CCNC: variants seen among roughly 807,000 people sequenced by gnomAD.
The protein encoded by CCNC is cyclin-C.
A neutral mutation model predicts 50.0 loss-of-function variants in CCNC; 19 were observed. That is an observed-to-expected ratio of 0.38 (90% CI 0.27 to 0.56). The LOEUF (loss-of-function observed/expected upper bound fraction) is 0.56. Ranked by LOEUF, CCNC falls within the 20% of genes least tolerant of loss-of-function variation. The pLI, the probability that CCNC is intolerant of heterozygous loss-of-function variation, is 0.72. For synonymous variants in CCNC, 93 were observed against 103.7 expected (o/e 0.90, Z 0.63); for missense variants, 200 against 327.1 (o/e 0.61, Z 3.00).
intron 3 of CCNC, 54 bp from the exon 4 acceptor site, chr6:99,561,490 A>G: frequency 2.1e-6 from 3 of 1,402,326 alleles, no homozygotes; most frequent in Non-Finnish European, 2.0e-6. Context: ...ACACACTGGG[A>G]AAAAAATCAA....
chr6:99,549,479 A>T (rs770024398), intron 9 of CCNC, 29 bp downstream of exon 9: 2 of 1,475,432 alleles, frequency 1.4e-6, no homozygotes, highest in African/African-American at 2.8e-5. Flanking sequence ...TAACAATTTA[A>T]CTCATAAAGG....
rs1240963360 is a variant in CCNC, at chr6:99,549,322, G to T, written c.598+186C>A. ...AAAAAAAAAACTTACCAAAAAGGGG[G>T]TGGGGGAATAATAATCCTGATTTAT... On this transcript the variant is annotated intron_variant, in intron 9 of 11. Coordinates refer to ENST00000520429, the MANE Select transcript of CCNC (RefSeq NM_005190.4). 16 of 656,324 alleles carry T rather than the reference G, an allele frequency of 2.4e-5. No homozygotes were observed. The East Asian group carries it at 4.4e-4, about 18-fold the overall frequency. 40.7% of individuals were successfully genotyped at this position (656,324 alleles called of 1,614,324 possible).
intron 5 of CCNC, among the ~76,000 whole-genome samples, chr6:99,554,251 A>C (rs1276608657): frequency 6.6e-6 from 1 of 152,042 alleles, no homozygotes; most frequent in Non-Finnish European, 1.5e-5. Context: ...TCAATGATAC[A>C]TGATATTAAT....
chr6:99,568,196 A>AC (rs1329810327), intron 1 of CCNC: 11 of 467,836 alleles, frequency 2.4e-5, no homozygotes, highest in Non-Finnish European at 3.9e-5. Flanking sequence ...ACTCTATCCG[A>AC]CCCCCCGCGG....
chr6:99,546,410 A>C lies in CCNC; in HGVS notation c.663T>G (p.Ser221=). Residue 221 remains serine, a synonymous_variant, in exon 10 of 12, where the codon TCT becomes TCG. Coordinates refer to ENST00000520429, the MANE Select transcript of CCNC (RefSeq NM_005190.4). ...AAGGGAATACCTTTTCCATATCCAC[A>C]GAAAGCTCAGCAAACCATTGCCTGG... The part of the protein sequence containing the change: ...KDARQWFAEL[S]VDMEKILEII... The C allele has an allele frequency of 6.2e-7, 1 of 1,611,658 alleles. No homozygotes were observed. Among genetic ancestry groups the C allele is most frequent in the Non-Finnish European group, 8.5e-7 (1 of 1,177,782 alleles).
At chr6:99,544,194 T>A in intron 11 of CCNC, 1 of 1,525,748 alleles carries the variant, frequency 6.6e-7, no homozygotes, top group Non-Finnish European at 8.8e-7. Flanking sequence ...ACTTTGGCAA[T>A]AGGATTATTG....
At chr6:99,563,278 G>A (rs1768930247) in intron 1 of CCNC, among the ~76,000 whole-genome samples, 1 of 152,052 alleles carries the variant, frequency 6.6e-6, no homozygotes, top group South Asian at 2.1e-4. Context: ...TTCTTTCTTA[G>A]TGATATAAGA....
intron 5 of CCNC, among the ~76,000 whole-genome samples, chr6:99,554,539 C>T (rs1003952398): frequency 6.6e-6 from 1 of 152,160 alleles, no homozygotes; most frequent in African/African-American, 2.4e-5. Context: ...TTAGTTTATA[C>T]TTTGAGTTAT....
chr6:99,565,731 T>C (rs1769093677), intron 1 of CCNC, among the ~76,000 whole-genome samples: 2 of 152,040 alleles, frequency 1.3e-5, no homozygotes. Flanking sequence ...TTGAATTGTA[T>C]TAGTTTTTTA....
intron 9 of CCNC, among the ~76,000 whole-genome samples, chr6:99,549,076 T>G (rs190134747): frequency 1.3e-5 from 2 of 151,940 alleles, no homozygotes; most frequent in South Asian, 4.1e-4. Flanking sequence ...GACTGTAGAA[T>G]GAATGTACTT....
chr6:99,554,796 G>T (rs984076100), intron 5 of CCNC, among the ~76,000 whole-genome samples: 6 of 152,152 alleles, frequency 3.9e-5, no homozygotes, highest in African/African-American at 1.4e-4. Context: ...TTTTATTGGA[G>T]AATGATATTA....
intron 10 of CCNC, 42 bp downstream of exon 10, chr6:99,546,353 T>G: frequency 7.7e-7 from 1 of 1,293,156 alleles, no homozygotes; most frequent in East Asian, 2.3e-5. Context: ...AATATGACAT[T>G]AATTTTTAAA....
At position 99,561,446 on chromosome 6, in the gene CCNC, G is replaced by A. The variant is rs1171144645; in HGVS notation, c.225-10C>T. The A allele has an allele frequency of 6.5e-7, 1 of 1,534,590 alleles. No individual in the cohort carries two copies. The highest frequency in any genetic ancestry group is 1.4e-5 in the African/African-American group (1 of 71,708). On this transcript the variant is annotated splice_polypyrimidine_tract_variant and intron_variant, in intron 3 of 11. Transcript: ENST00000520429. ...ACTTTTCAGAGAATACCTAAAATAT[G>A]ATAAAACAAAGTTAAATATCATTCA...
chr6:99,545,268 A>G, intron 10 of CCNC, 38 bp from the exon 11 acceptor site: 1 of 1,043,740 alleles, frequency 9.6e-7, no homozygotes. Flanking sequence ...AGTGGCAAAA[A>G]CAAGCAACAT....
chr6:99,566,261 A>G (rs1769117312), intron 1 of CCNC, among the ~76,000 whole-genome samples: 1 of 86,832 alleles, frequency 1.2e-5, no homozygotes, highest in Non-Finnish European at 2.3e-5. Context: ...ATCGTTATCT[A>G]TTTTAAGTCT....
chr6:99,549,303 A>G (rs1197040403), intron 9 of CCNC: 1 of 633,978 alleles, frequency 1.6e-6, no homozygotes, highest in Non-Finnish European at 2.8e-6. Context: ...AAAAAAAAAA[A>G]AAACTTACCA....
At chr6:99,568,680 C>T (rs909624164), upstream of CCNC, 1 of 1,491,214 alleles carries the variant, frequency 6.7e-7, no homozygotes, top group East Asian at 2.5e-5. Flanking sequence ...AAGAGGATGG[C>T]CCCCTAGTCT....
intron 11 of CCNC, chr6:99,544,055 T>A: frequency 1.6e-6 from 2 of 1,240,204 alleles, no homozygotes; most frequent in Non-Finnish European, 2.1e-6. Flanking sequence ...AAAGGCATAA[T>A]AAAATCATAT....
chr6:99,550,016 A>T (rs1198028421), intron 8 of CCNC, among the ~76,000 whole-genome samples: 1 of 152,202 alleles, frequency 6.6e-6, no homozygotes, highest in East Asian at 1.9e-4. Flanking sequence ...AGGTATATTT[A>T]TGGAACAGAT....
Sources: gnomAD v4.1 joint callset for allele counts (sites outside exome capture counted in the v4.1 genomes callset) on GRCh38, gnomAD v4.1.1 for gene constraint, MANE v1.5 for transcripts, NCBI Gene and HGNC (gene_info 2026-07-23, HGNC 2026-07-21) for gene names.